DNMT3A: variants seen among roughly 807,000 people sequenced by gnomAD.
DNMT3A encodes DNA (cytosine-5)-methyltransferase 3A.
Under a neutral mutation model 117.6 loss-of-function variants are expected in DNMT3A, and 267 were observed. That is an observed-to-expected ratio of 2.27 (90% CI 2.05 to 2.51). The LOEUF (loss-of-function observed/expected upper bound fraction) is 2.51, where lower values mean the gene tolerates loss of function less well. Among genes scored for constraint, DNMT3A ranks in the 30% most tolerant of loss-of-function variants. The probability of loss-of-function intolerance (pLI) is 0.00; values close to 1 mark genes in which losing one functional copy is unlikely to be tolerated. For synonymous variants in DNMT3A, 432 were observed against 474.8 expected, an observed-to-expected ratio of 0.91 and a Z score of 1.17; for missense variants, 1,029 against 1,260.2, an observed-to-expected ratio of 0.82 and a Z score of 2.78.
chr2:25,250,195 C>G (rs1675342120), intron 6 of DNMT3A, among the ~76,000 whole-genome samples: 1 of 152,182 alleles, frequency 6.6e-6, no homozygotes, highest in African/African-American at 2.4e-5. Flanking sequence ...ATCCAAGGGT[C>G]CCAGGTTAAG....
At chr2:25,312,879 T>C (rs1372892504) in intron 2 of DNMT3A, among the ~76,000 whole-genome samples, 1 of 152,022 alleles carries the variant, frequency 6.6e-6, no homozygotes, top group Non-Finnish European at 1.5e-5. Context: ...TCCACCTTTG[T>C]TCCAAAAGAA....
At chr2:25,251,913 A>G in intron 6 of DNMT3A, 1 of 484,110 alleles carries the variant, frequency 2.1e-6, no homozygotes, top group Non-Finnish European at 3.7e-6. Context: ...TGCAGTTACC[A>G]CTGCCCGGGC....
rs1445399158 is a variant in DNMT3A at position 25,281,212 on chromosome 2, ACAAGAC to A, written c.448+1223_448+1228del. Among the ~76,000 whole-genome samples the A allele has an allele frequency of 6.6e-6, 1 of 152,220 alleles. No individual in the cohort carries two copies. The highest frequency in any genetic ancestry group is 1.5e-5 in the Non-Finnish European group (1 of 68,038). On this transcript the variant is annotated intron_variant, in intron 4 of 22. Transcript: ENST00000321117. This position sits in a 1 kb window ranked among gnomAD's most constrained non-coding sequence, Gnocchi z 4.8. ...GGACAGCGGAAAATAGTAGAAAGGC[ACAAGAC>A]CAGGACTGAATGAGCCCTGGATCTG...
chr2:25,328,140 T>C lies in DNMT3A; in HGVS notation c.-178+13686A>G, dbSNP rs191045137. Among the ~76,000 whole-genome samples the C allele has an allele frequency of 3.9e-5, 6 of 152,356 alleles. No homozygotes were observed. The East Asian group carries it at 1.2e-3, about 29-fold the overall frequency. On this transcript the variant is annotated intron_variant, in intron 1 of 22. Transcript: ENST00000321117. ...AATTTTAAAAAGTTGATTGTGAATG[T>C]ACTAAAACCATCGAACTGTACACTT...
At position 25,246,751 on chromosome 2, in the gene DNMT3A, A is replaced by G. The variant is rs769153444; in HGVS notation, c.1148T>C (p.Leu383Pro). The change falls in exon 10 of 23, where the codon CTG becomes CCG. Residue 383 changes from leucine to proline, a missense_variant. Leu to Pro is a moderately conservative substitution (Grantham distance 98). Transcript: ENST00000321117. ...LQVASSRAGK[L>P]FPVCHDSDES... Reference sequence around the variant, plus strand: ...ATCGCTGTCGTGGCACACCGGGAACAGCTTCCCCGCGCGGCTGCTGGCCAC... The same window carrying G: ...ATCGCTGTCGTGGCACACCGGGAACGGCTTCCCCGCGCGGCTGCTGGCCAC... 3 of 1,613,802 alleles carry G rather than the reference A, an allele frequency of 1.9e-6. No homozygotes were observed. The African/African-American group carries it at 4.0e-5, about 22-fold the overall frequency.
At position 25,240,728 on chromosome 2, in the gene DNMT3A, G is replaced by A. The variant is rs758396577; in HGVS notation, c.2085C>T (p.Ile695=). The A allele has an allele frequency of 1.2e-6, 2 of 1,614,166 alleles. No individual in the cohort carries two copies. Among genetic ancestry groups the A allele is most frequent in the South Asian group, 2.2e-5 (2 of 91,086 alleles). The part of the protein sequence containing the change: ...GDVRSVTQKH[I]QEWGPFDLVI... ...CCAGATCGAATGGGCCCCACTCCTG[G>A]ATCTGGGAGGATAAAGGCAACGTGA... is the stretch of plus-strand genomic sequence containing the variant. Residue 695 remains isoleucine, a splice_region_variant and synonymous_variant, in exon 18 of 23, where the codon ATC becomes ATT. Transcript: ENST00000321117.
chr2:25,266,846 T>C (rs2149353476), intron 6 of DNMT3A, among the ~76,000 whole-genome samples: 1 of 152,318 alleles, frequency 6.6e-6, no homozygotes, highest in South Asian at 2.1e-4. Context: ...AGTGCCCTTT[T>C]TAGAGGGCAG....
At chr2:25,244,370 C>G in intron 14 of DNMT3A, 32 bp from the exon 15 acceptor site, 1 of 1,581,984 alleles carries the variant, frequency 6.3e-7, no homozygotes, top group South Asian at 1.1e-5. Flanking sequence ...AGAGGAGACT[C>G]TCAGCCCTGG....
intron 2 of DNMT3A, among the ~76,000 whole-genome samples, chr2:25,308,965 G>A (rs1573471820): frequency 1.1e-5 from 1 of 90,268 alleles, no homozygotes; most frequent in East Asian, 2.7e-4. Context: ...GCCCACAGAT[G>A]CATACACACA....
At chr2:25,278,950 A>G (rs796162178) in intron 4 of DNMT3A, among the ~76,000 whole-genome samples, 9 of 152,384 alleles carry the variant, frequency 5.9e-5, no homozygotes, top group African/African-American at 2.2e-4. Flanking sequence ...ATTCTGATCC[A>G]GCAGGTCTTC....
intron 6 of DNMT3A, among the ~76,000 whole-genome samples, chr2:25,251,153 C>CGG (rs34583441): frequency 0.011 from 668 of 58,612 alleles, 10 homozygotes; most frequent in Middle Eastern, 0.023. Context: ...AAGGAAGAAG[C>CGG]GGGGGGGGGG....
intron 4 of DNMT3A, among the ~76,000 whole-genome samples, chr2:25,277,745 A>T (rs1199581249): frequency 6.6e-6 from 1 of 152,000 alleles, no homozygotes; most frequent in Non-Finnish European, 1.5e-5. Flanking sequence ...TCAGCACTTA[A>T]ATTTTGCAGA....
rs576757654 is a variant in DNMT3A at position 25,296,287 on chromosome 2, C to T, written c.177+3852G>A. Among the ~76,000 whole-genome samples, 2 of 152,162 alleles carry T rather than the reference C, an allele frequency of 1.3e-5. No homozygotes were observed. The highest frequency in any genetic ancestry group is 1.3e-4 in the Admixed American group (2 of 15,274). On this transcript the variant is annotated intron_variant, in intron 3 of 22. Coordinates refer to ENST00000321117, the MANE Select transcript of DNMT3A (RefSeq NM_022552.5). The surrounding 1 kb of genome is among the most constrained non-coding windows in gnomAD (Gnocchi z 4.2). ...CTGGGCTTCATTTTCAGGCTAGGTTCTACCGGGCTGTGGTGCTGGGGCAGG... is the reference window on the plus strand; with the variant it reads ...CTGGGCTTCATTTTCAGGCTAGGTTTTACCGGGCTGTGGTGCTGGGGCAGG...
chr2:25,265,823 A>G (rs1010060455), intron 6 of DNMT3A, among the ~76,000 whole-genome samples: 5 of 152,142 alleles, frequency 3.3e-5, no homozygotes, highest in African/African-American at 1.2e-4. Flanking sequence ...CATCTCAAAA[A>G]AAAAAAAAAG....
intron 22 of DNMT3A, among the ~76,000 whole-genome samples, chr2:25,235,132 G>C (rs954715470): frequency 6.6e-6 from 1 of 151,850 alleles, no homozygotes; most frequent in African/African-American, 2.4e-5. Context: ...GTTCCCTGGG[G>C]GATCAGCAGG....
chr2:25,258,640 T>G (rs1371945785), intron 6 of DNMT3A, among the ~76,000 whole-genome samples: 2 of 152,018 alleles, frequency 1.3e-5, no homozygotes, highest in Non-Finnish European at 2.9e-5. Context: ...GATGGTAAAT[T>G]ATGTGGTAGG....
intron 1 of DNMT3A, among the ~76,000 whole-genome samples, chr2:25,332,803 G>A (rs1390830692): frequency 6.6e-6 from 1 of 152,252 alleles, no homozygotes; most frequent in African/African-American, 2.4e-5. Context: ...CAGCCTGTGC[G>A]TGGATGGCAA....
At position 25,246,690 on chromosome 2, in the gene DNMT3A, G is replaced by T; in HGVS notation, c.1209C>A (p.Asn403Lys). Residue 403 changes from asparagine to lysine, a missense_variant, in exon 10 of 23, where the codon AAC (asparagine) becomes AAA (lysine). Physicochemically the swap from Asn to Lys is moderately conservative, Grantham distance 94. Transcript: ENST00000321117. ...CCAGGGCCCATTCAATCATGGGCTT[G>T]TTCTGCACCTCCACGGCCTTGGCAG... is the stretch of plus-strand genomic sequence containing the variant. ...SDTAKAVEVQ[N>K]KPMIEWALGG... 1 of 1,613,792 alleles carries T rather than the reference G, an allele frequency of 6.2e-7. No homozygotes were observed. Among genetic ancestry groups the T allele is most frequent in the Non-Finnish European group, 8.5e-7 (1 of 1,180,036 alleles).
intron 6 of DNMT3A, among the ~76,000 whole-genome samples, chr2:25,253,525 G>A (rs935768797): frequency 3.9e-5 from 6 of 152,146 alleles, no homozygotes; most frequent in African/African-American, 1.2e-4. Context: ...GCCGGGCTGG[G>A]GAGGGAGGAG....
Sources: gnomAD v4.1 joint callset for allele counts (sites outside exome capture counted in the v4.1 genomes callset) on GRCh38, gnomAD v4.1.1 for gene constraint, Gnocchi (gnomAD v3.1) non-coding constraint, MANE v1.5 for transcripts, NCBI Gene and HGNC (gene_info 2026-07-23, HGNC 2026-07-21) for gene names.